The following POLR3E variants were observed in gnomAD, a reference collection of about 807,000 sequenced individuals.
POLR3E encodes DNA-directed RNA polymerase III subunit RPC5.
In POLR3E, 41 loss-of-function variants were observed where a neutral mutation model predicts 96.6. The observed-to-expected ratio is 0.42, with a 90% CI of 0.33 to 0.55. The LOEUF is 0.55. Ranked by LOEUF, POLR3E falls within the 20% of genes least tolerant of loss-of-function variation. The pLI is 0.06. For missense variants in POLR3E, 849 were observed against 952.1 expected, an observed-to-expected ratio of 0.89 and a Z score of 1.43; for synonymous variants, 396 against 383.6, an observed-to-expected ratio of 1.03 and a Z score of -0.38.
chr16:22,306,213 A>C (rs1307460102), intron 3 of POLR3E, among the ~76,000 whole-genome samples: 1 of 152,178 alleles, frequency 6.6e-6, no homozygotes, highest in Non-Finnish European at 1.5e-5. Flanking sequence ...TTCAGGGCTC[A>C]TCCACATGGT....
At chr16:22,298,003 G>GC (rs1016334714) in intron 1 of POLR3E, among the ~76,000 whole-genome samples, 2 of 152,254 alleles carry the variant, frequency 1.3e-5, no homozygotes, top group Admixed American at 6.5e-5. Flanking sequence ...GCCTGCCGGA[G>GC]CCCCCACTTC....
chr16:22,303,515 T>G (rs1045463288), intron 2 of POLR3E, among the ~76,000 whole-genome samples: 78 of 152,058 alleles, frequency 5.1e-4, no homozygotes, highest in African/African-American at 1.9e-3. Context: ...TGGACCACTG[T>G]GTGCTGGGGG....
intron 3 of POLR3E, chr16:22,305,580 G>A: frequency 2.3e-6 from 1 of 441,870 alleles, no homozygotes; most frequent in South Asian, 1.7e-5. Flanking sequence ...GTCCCCAGGA[G>A]GACAGGCTGA....
Position 22,332,189 on chromosome 16 carries a change from C to T in POLR3E, c.2070+4C>T. 1 of 1,611,624 alleles carries T rather than the reference C, an allele frequency of 6.2e-7. No individual in the cohort carries two copies. ...GGAGGTGGATAAAGTACTAAAGGTA[C>T]ATCCATTTTGTGCATAACAAACAAT... is the stretch of plus-strand genomic sequence containing the variant. On this transcript the variant is annotated splice_donor_region_variant and intron_variant, in intron 20 of 20. Coordinates refer to ENST00000299853, the MANE Select transcript of POLR3E (RefSeq NM_018119.4).
intron 10 of POLR3E, 108 bp from the exon 11 acceptor site, chr16:22,316,887 C>T (rs778446635): frequency 1.4e-4 from 105 of 745,124 alleles, no homozygotes; most frequent in Admixed American, 2.1e-4. Flanking sequence ...TGGGGGAGGG[C>T]GGGGGTGGGC....
chr16:22,333,451 T>TC (rs1164114022), intron 20 of POLR3E, among the ~76,000 whole-genome samples, 193 bp from the exon 21 acceptor site: 1 of 144,292 alleles, frequency 6.9e-6, no homozygotes, highest in African/African-American at 2.6e-5. Context: ...AAACTCTGTT[T>TC]CAAAAAAAAA....
rs1264868448 is a variant in POLR3E, at chr16:22,324,546, T to C, written c.1172T>C (p.Val391Ala). 1 of 1,612,612 alleles carries C rather than the reference T, an allele frequency of 6.2e-7. No homozygotes were observed. ...AAGGACTTCCTGGAGCACATGGCCGTGGTGAGGATCAACAAAGGCTGGGAG... is the reference window on the plus strand; with the variant it reads ...AAGGACTTCCTGGAGCACATGGCCGCGGTGAGGATCAACAAAGGCTGGGAG... ...DVKDFLEHMAVVRINKGWEFI... is the reference protein window; with the variant it reads ...DVKDFLEHMAAVRINKGWEFI... The change falls in exon 16 of 21, where the codon GTG (valine) becomes GCG (alanine). Residue 391 changes from valine (V) to alanine (A), a missense_variant. By Grantham distance (64) the Val-to-Ala change is moderately conservative (BLOSUM62 0). Transcript: ENST00000299853.
At chr16:22,308,095 G>C (rs1598242833) in intron 3 of POLR3E, 53 bp from the exon 4 acceptor site, 32 of 1,406,078 alleles carry the variant, frequency 2.3e-5, no homozygotes, top group Non-Finnish European at 3.1e-5. Flanking sequence ...CCAGGGCCCA[G>C]CTCTGGGCAT....
Position 22,322,932 on chromosome 16 carries a change from G to T in POLR3E, c.1068+1G>T. ...GCTCTGCAGGGGCCGAGACTTCGTTGTAAGTACCTTGGGTTCTCTGGACTC... is the reference window on the plus strand; with the variant it reads ...GCTCTGCAGGGGCCGAGACTTCGTTTTAAGTACCTTGGGTTCTCTGGACTC... On this transcript the variant is annotated splice_donor_variant, in intron 14 of 20. Transcript: ENST00000299853. LOFTEE classifies it high-confidence loss of function. The surrounding 1 kb of genome is among the most constrained non-coding windows in gnomAD (Gnocchi z 5.2). The T allele has an allele frequency of 6.2e-7, 1 of 1,607,650 alleles. No individual in the cohort carries two copies. The highest frequency in any genetic ancestry group is 8.5e-7 in the Non-Finnish European group (1 of 1,175,270).
intron 1 of POLR3E, among the ~76,000 whole-genome samples, chr16:22,298,158 A>G (rs1406389806): frequency 6.6e-6 from 1 of 152,238 alleles, no homozygotes; most frequent in Non-Finnish European, 1.5e-5. Context: ...CAGTAAACAA[A>G]CAAGGTCGTT....
chr16:22,317,297 G>A (rs1202962170), intron 12 of POLR3E, 91 bp downstream of exon 12: 1 of 904,272 alleles, frequency 1.1e-6, no homozygotes, highest in African/African-American at 1.6e-5. Context: ...CAGGGGACAA[G>A]GCCAGAGGCC....
intron 1 of POLR3E, among the ~76,000 whole-genome samples, 153 bp downstream of exon 1, chr16:22,297,690 G>C (rs2047922441): frequency 6.6e-6 from 1 of 152,246 alleles, no homozygotes; most frequent in Admixed American, 6.5e-5. Flanking sequence ...GGGGAGGAGG[G>C]GCAGCCGGCT....
chr16:22,324,020 C>T (rs1283238709), intron 14 of POLR3E, among the ~76,000 whole-genome samples: 2 of 152,148 alleles, frequency 1.3e-5, no homozygotes, highest in African/African-American at 4.8e-5. Context: ...CCTATGCAGA[C>T]AGCGTGTGTC....
chr16:22,307,902 C>T lies in POLR3E; in HGVS notation c.88-246C>T, dbSNP rs902788251. On this transcript the variant is annotated intron_variant, in intron 3 of 20. Coordinates refer to ENST00000299853, the MANE Select transcript of POLR3E (RefSeq NM_018119.4). ...GGTTCCTGTGTGTAGACACGTCCCTCGGAAGTCAGAGACATCCTGCAGTGG... is the reference window on the plus strand; with the variant it reads ...GGTTCCTGTGTGTAGACACGTCCCTTGGAAGTCAGAGACATCCTGCAGTGG... 2.6e-5 allele frequency among the ~76,000 whole-genome samples: 4 copies of T among 152,138 alleles called. No homozygotes were observed. In the East Asian group the frequency reaches 5.8e-4, roughly 22 times the overall value.
intron 6 of POLR3E, 118 bp downstream of exon 6, chr16:22,309,628 G>C (rs2048205442): frequency 1.3e-6 from 1 of 791,764 alleles, no homozygotes; most frequent in Admixed American, 1.8e-5. Flanking sequence ...GACACCTGTG[G>C]GGGCCGGGCA....
chr16:22,326,427 C>G (rs1598273770), intron 18 of POLR3E, 149 bp downstream of exon 18: 2 of 694,888 alleles, frequency 2.9e-6, no homozygotes, highest in East Asian at 2.7e-5. Flanking sequence ...GTCAGCCTCT[C>G]TGAGGCTCTA....
At chr16:22,309,578 C>T in intron 6 of POLR3E, 68 bp downstream of exon 6, 1 of 1,116,974 alleles carries the variant, frequency 9.0e-7, no homozygotes, top group African/African-American at 1.5e-5. Flanking sequence ...GAGAGTACCT[C>T]CCCAGCCTGG....
intron 6 of POLR3E, among the ~76,000 whole-genome samples, chr16:22,310,854 G>A (rs184635479): frequency 1.3e-5 from 2 of 152,176 alleles, no homozygotes; most frequent in African/African-American, 4.8e-5. Flanking sequence ...CCTGGGAGGC[G>A]GAGGTTGCAG....
intron 1 of POLR3E, among the ~76,000 whole-genome samples, chr16:22,300,229 C>T (rs9930928): frequency 0.24 from 36,324 of 152,128 alleles, 7,774 homozygotes; most frequent in African/African-American, 0.58. Flanking sequence ...GTTATAGTTA[C>T]GTGAAACCTT....
Sources: gnomAD v4.1 joint callset for allele counts (sites outside exome capture counted in the v4.1 genomes callset) on GRCh38, gnomAD v4.1.1 for gene constraint, Gnocchi (gnomAD v3.1) non-coding constraint, MANE v1.5 for transcripts, NCBI Gene and HGNC (gene_info 2026-07-23, HGNC 2026-07-21) for gene names.